Variants in PRICKLE1 observed in about 807,000 individuals in gnomAD.
PRICKLE1 encodes the protein prickle planar cell polarity protein 1, also known as prickle-like protein 1.
PRICKLE1 carries 14 observed loss-of-function variants against 70.2 expected under a neutral mutation model. That is an observed-to-expected ratio of 0.20 (90% CI 0.13 to 0.31). The LOEUF (loss-of-function observed/expected upper bound fraction) is 0.31, where lower values mean the gene tolerates loss of function less well. Ranked by LOEUF, PRICKLE1 falls within the 10% of genes least tolerant of loss-of-function variation. The probability of loss-of-function intolerance (pLI) is 1.00; values close to 1 mark genes in which losing one functional copy is unlikely to be tolerated. For synonymous variants in PRICKLE1, 357 were observed against 379.9 expected, an observed-to-expected ratio of 0.94 and a Z score of 0.70; for missense variants, 821 against 1,026.2, an observed-to-expected ratio of 0.80 and a Z score of 2.73.
At chr12:42,526,016 T>C (rs1301618545) in intron 1 of PRICKLE1, among the ~76,000 whole-genome samples, 1 of 152,192 alleles carries the variant, frequency 6.6e-6, no homozygotes, top group Non-Finnish European at 1.5e-5. Flanking sequence ...GAAAACAGAA[T>C]TAAGGGATCT....
intron 1 of PRICKLE1, among the ~76,000 whole-genome samples, chr12:42,560,729 A>G (rs1940496665): frequency 6.6e-6 from 1 of 151,774 alleles, no homozygotes; most frequent in Admixed American, 6.6e-5. Flanking sequence ...CTAGAAAAAA[A>G]ATCATCCCTT....
intron 1 of PRICKLE1, among the ~76,000 whole-genome samples, chr12:42,543,574 G>A (rs2120612421): frequency 6.6e-6 from 1 of 152,226 alleles, no homozygotes; most frequent in Non-Finnish European, 1.5e-5. Flanking sequence ...CCAGTCTGGA[G>A]TGCAGTGGCG....
chr12:42,482,169 T>A (rs192475654), intron 1 of PRICKLE1, among the ~76,000 whole-genome samples: 7 of 152,392 alleles, frequency 4.6e-5, no homozygotes, highest in Non-Finnish European at 1.0e-4. Context: ...GTCAAGAAAC[T>A]ATCCATTTTT....
chr12:42,470,384 CA>C, intron 2 of PRICKLE1, 25 bp from the exon 3 acceptor site: 8 of 1,396,846 alleles, frequency 5.7e-6, no homozygotes, highest in Non-Finnish European at 7.1e-6. Context: ...GTGAGAATGG[CA>C]TCAACATACA....
chr12:42,529,861 A>G (rs1275056403), intron 1 of PRICKLE1, among the ~76,000 whole-genome samples: 2 of 152,112 alleles, frequency 1.3e-5, no homozygotes, highest in Non-Finnish European at 2.9e-5. Context: ...ACTATATTCC[A>G]GCCTGGACAA....
intron 1 of PRICKLE1, among the ~76,000 whole-genome samples, chr12:42,549,119 C>CAAA (rs34355848): frequency 4.5e-4 from 24 of 53,906 alleles, no homozygotes; most frequent in Middle Eastern, 0.011. Context: ...ACCCTGTCTC[C>CAAA]AAAAAAAAAA....
chr12:42,532,337 T>C (rs1484209972), intron 1 of PRICKLE1, among the ~76,000 whole-genome samples: 1 of 152,194 alleles, frequency 6.6e-6, no homozygotes, highest in African/African-American at 2.4e-5. Flanking sequence ...TTCAACAAGA[T>C]GGTGGTTAAG....
intron 1 of PRICKLE1, among the ~76,000 whole-genome samples, chr12:42,534,777 G>A (rs1939989830): frequency 6.6e-6 from 1 of 151,614 alleles, no homozygotes; most frequent in Non-Finnish European, 1.5e-5. Flanking sequence ...TTTGAAAGGG[G>A]ATACTAAAAA....
At chr12:42,588,389 A>G (rs559073643) in intron 1 of PRICKLE1, among the ~76,000 whole-genome samples, 1 of 152,338 alleles carries the variant, frequency 6.6e-6, no homozygotes, top group East Asian at 1.9e-4. Context: ...CATTTCAGTG[A>G]TTTGTCATTC....
rs189808558 is a variant in PRICKLE1 at position 42,532,509 on chromosome 12, G to A, written c.-49+56956C>T. On this transcript the variant is annotated intron_variant, in intron 1 of 7. Coordinates refer to ENST00000345127, the MANE Select transcript of PRICKLE1 (RefSeq NM_153026.3). ...AAAAGTAACGAGTGAAATTAATTTC[G>A]TTAATATATTTTATTTAGCTCAACT... Among the ~76,000 whole-genome samples the A allele has an allele frequency of 2.3e-4, 35 of 152,244 alleles. No homozygotes were observed. The East Asian group carries it at 6.4e-3, about 28-fold the overall frequency.
intron 1 of PRICKLE1, among the ~76,000 whole-genome samples, chr12:42,496,050 A>G (rs1204074997): frequency 2.6e-5 from 4 of 152,256 alleles, no homozygotes; most frequent in Non-Finnish European, 4.4e-5. Context: ...TACTTTGCCC[A>G]GATCCACCAG....
intron 1 of PRICKLE1, among the ~76,000 whole-genome samples, chr12:42,495,045 C>T (rs1442355887): frequency 6.6e-6 from 1 of 151,508 alleles, no homozygotes; most frequent in Non-Finnish European, 1.5e-5. Flanking sequence ...TAGGCATGTG[C>T]TCCATGCCTG....
intron 1 of PRICKLE1, among the ~76,000 whole-genome samples, chr12:42,493,709 T>TC (rs1281595155): frequency 6.6e-6 from 1 of 152,050 alleles, no homozygotes; most frequent in Non-Finnish European, 1.5e-5. Context: ...TAAATTTTTC[T>TC]CCACTAGGCA....
intron 1 of PRICKLE1, among the ~76,000 whole-genome samples, chr12:42,499,754 G>A (rs1593140538): frequency 6.7e-6 from 1 of 150,122 alleles, no homozygotes; most frequent in South Asian, 2.1e-4. Flanking sequence ...TTGAGACAGA[G>A]TCTTGCTCTG....
At chr12:42,545,864 A>T (rs1566121191) in intron 1 of PRICKLE1, among the ~76,000 whole-genome samples, 1 of 139,764 alleles carries the variant, frequency 7.2e-6, no homozygotes, top group African/African-American at 2.5e-5. Context: ...AAGAAAAAAA[A>T]AAAATATATA....
At chr12:42,511,147 G>C (rs1030394267) in intron 1 of PRICKLE1, among the ~76,000 whole-genome samples, 5 of 152,212 alleles carry the variant, frequency 3.3e-5, no homozygotes, top group African/African-American at 1.2e-4. Flanking sequence ...CACTGTGCCT[G>C]CAGGGCAGTC....
At chr12:42,542,837 C>T (rs1940140692) in intron 1 of PRICKLE1, among the ~76,000 whole-genome samples, 1 of 152,074 alleles carries the variant, frequency 6.6e-6, no homozygotes, top group South Asian at 2.1e-4. Context: ...TCTGCTAGCC[C>T]CTTGCTATGG....
chr12:42,564,821 C>T (rs1940595006), intron 1 of PRICKLE1, among the ~76,000 whole-genome samples: 1 of 152,104 alleles, frequency 6.6e-6, no homozygotes, highest in South Asian at 2.1e-4. Context: ...AAAGGATATG[C>T]TTACTGTGGT....
chr12:42,558,873 TAGTC>T (rs1486463591), intron 1 of PRICKLE1, among the ~76,000 whole-genome samples: 2 of 152,326 alleles, frequency 1.3e-5, no homozygotes, highest in East Asian at 3.9e-4. Flanking sequence ...TAATTTTTCT[TAGTC>T]AATCAAATAG....
Sources: gnomAD v4.1 joint callset for allele counts (sites outside exome capture counted in the v4.1 genomes callset) on GRCh38, gnomAD v4.1.1 for gene constraint, MANE v1.5 for transcripts, NCBI Gene and HGNC (gene_info 2026-07-23, HGNC 2026-07-21) for gene names.